MYO1H: variants seen among roughly 807,000 people sequenced by gnomAD.
MYO1H encodes unconventional myosin-Ih.
A neutral mutation model predicts 149.3 loss-of-function variants in MYO1H; 118 were observed. That is an observed-to-expected ratio of 0.79 (90% CI 0.68 to 0.92). The LOEUF (loss-of-function observed/expected upper bound fraction) is 0.92. Among genes scored for constraint, MYO1H ranks in the 40% least tolerant of loss-of-function variants. The pLI is 0.00. For missense variants in MYO1H, 1,212 were observed against 1,280.7 expected (o/e 0.95, Z 0.82); for synonymous variants, 447 against 465.2 (o/e 0.96, Z 0.50).
rs575179747 is a variant in MYO1H, at chr12:109,438,459, C to G, written c.2210-77C>G. The G allele has an allele frequency of 4.3e-5, 50 of 1,170,740 alleles. No homozygotes were observed. The African/African-American group carries it at 7.4e-4, about 17-fold the overall frequency. 72.5% of individuals were successfully genotyped at this position (1,170,740 alleles called of 1,614,324 possible). A position where few individuals can be genotyped will look rare whatever the true frequency, so the allele number is the denominator to read the frequency against. On this transcript the variant is annotated intron_variant, in intron 22 of 31. Coordinates refer to ENST00000310903, the Ensembl canonical transcript of MYO1H. ...GGCGTCCAGATGTTTGTTGAATGGA[C>G]AAAGCCTTCTGGAAAAGCCTTCTGT...
chr12:109,343,289 A>T (rs574984829), upstream of MYO1H, among the ~76,000 whole-genome samples: 1 of 152,340 alleles, frequency 6.6e-6, no homozygotes, highest in Non-Finnish European at 1.5e-5. Flanking sequence ...TGTTAGCATA[A>T]CTAGAAATTC....
At chr12:109,407,850 G>T in exon 10 of MYO1H, 1 of 1,614,008 alleles carries the variant, frequency 6.2e-7, no homozygotes, top group African/African-American at 1.3e-5. Flanking sequence ...CAATGGCAAA[G>T]GCTGTTTATG....
chr12:109,442,081 G>A, intron 26 of MYO1H, 136 bp from the exon 27 acceptor site: 1 of 726,402 alleles, frequency 1.4e-6, no homozygotes, highest in Non-Finnish European at 2.4e-6. Context: ...GCTCAACTCT[G>A]CAGCATTTCC....
At chr12:109,432,062 C>T (rs1369932665) in intron 19 of MYO1H, among the ~76,000 whole-genome samples, 3 of 132,008 alleles carry the variant, frequency 2.3e-5, no homozygotes, top group Admixed American at 9.1e-5. Context: ...AGTACAGTGG[C>T]GCAATCTCGG....
chr12:109,379,482 G>GT (rs1421885265), intron 1 of MYO1H, among the ~76,000 whole-genome samples: 1 of 152,160 alleles, frequency 6.6e-6, no homozygotes, highest in Non-Finnish European at 1.5e-5. Context: ...AGAGAGGCTA[G>GT]TTATGATCCC....
intron 15 of MYO1H, 77 bp downstream of exon 15, chr12:109,415,697 C>A (rs2135566302): frequency 9.2e-7 from 1 of 1,084,182 alleles, no homozygotes; most frequent in Non-Finnish European, 1.3e-6. Context: ...CGAGTCCATG[C>A]AGGAAATGGT....
chr12:109,410,165 A>C, intron 12 of MYO1H, 97 bp downstream of exon 12: 1 of 589,108 alleles, frequency 1.7e-6, no homozygotes. Flanking sequence ...TTTTTGAGAC[A>C]AGATCTCACT....
intron 2 of MYO1H, among the ~76,000 whole-genome samples, chr12:109,390,399 C>T (rs964894982): frequency 1.3e-4 from 19 of 151,816 alleles, no homozygotes; most frequent in African/African-American, 3.9e-4. Flanking sequence ...CAGCTACACA[C>T]TGAGAATCTG....
At position 109,407,916 on chromosome 12, in the gene MYO1H, T is replaced by G; in HGVS notation, c.1155+3T>G. On this transcript the variant is annotated splice_donor_region_variant and intron_variant, in intron 10 of 31. Transcript: ENST00000310903. ...TCAATTCCTCCTTAGTTAACAAGGT[T>G]GGTCAACGCATTTTGGATCCCTTGC... 6.2e-7 allele frequency: 1 copy of G among 1,613,958 alleles called. No individual in the cohort carries two copies. Among genetic ancestry groups the G allele is most frequent in the Admixed American group, 1.7e-5 (1 of 60,010 alleles).
At chr12:109,393,418 G>T (rs1408639318) in exon 3 of MYO1H, 3 of 1,585,320 alleles carry the variant, frequency 1.9e-6, no homozygotes, top group Non-Finnish European at 2.6e-6. Flanking sequence ...TTATCAAGGG[G>T]TCAATTTCTT....
At chr12:109,327,122 CTTTTTCTTTTTCTT>C in the MYO1H span, among the ~76,000 whole-genome samples, 6 of 111,400 alleles carry the variant, frequency 5.4e-5, no homozygotes, top group African/African-American at 1.5e-4. Flanking sequence ...TTTTCTTTTT[CTTTTTCTTTTTCTT>C]TTTTTTTTTT....
At chr12:109,341,706 C>G in the MYO1H span, among the ~76,000 whole-genome samples, 1 of 152,066 alleles carries the variant, frequency 6.6e-6, no homozygotes. Context: ...TCTAGTTGGT[C>G]CTAAGTAGAA....
intron 20 of MYO1H, among the ~76,000 whole-genome samples, chr12:109,434,629 A>G (rs1871781784): frequency 6.6e-6 from 1 of 152,366 alleles, no homozygotes; most frequent in East Asian, 1.9e-4. Context: ...GATGATCACA[A>G]AGTGGCTGAT....
chr12:109,356,985 C>A (rs1868621382), intron 1 of MYO1H: 1 of 152,212 alleles, frequency 6.6e-6, no homozygotes, highest in South Asian at 2.1e-4. Context: ...GTGCTTCTTT[C>A]TTGATGTGTG....
the MYO1H span, among the ~76,000 whole-genome samples, chr12:109,338,568 G>A: frequency 6.6e-6 from 1 of 152,082 alleles, no homozygotes; most frequent in African/African-American, 2.4e-5. Flanking sequence ...AGGAGTTAGA[G>A]AGCAGCCTGG....
In MYO1H at chr12:109,401,139, C is replaced by T. The variant is rs904594392; in HGVS notation, c.617C>T (p.Ser206Phe). The T allele has an allele frequency of 4.3e-6, 7 of 1,613,778 alleles. No individual in the cohort carries two copies. The highest frequency in any genetic ancestry group is 2.2e-5 in the East Asian group (1 of 44,884). The change falls in exon 6 of 32, where the codon TCC (serine) becomes TTC (phenylalanine). Residue 206 changes from serine to phenylalanine, a missense_variant. Coordinates refer to ENST00000310903, the Ensembl canonical transcript of MYO1H. ...ATCATCAGTTACTTGATAGAGAAGT[C>T]CCGAGTTGTCTACCAAAACGAAGGC...
chr12:109,401,582 T>C (rs1004809273), intron 6 of MYO1H: 28 of 255,034 alleles, frequency 1.1e-4, no homozygotes, highest in African/African-American at 8.8e-5. Context: ...TCAGATTTCA[T>C]TGGTCTGGGT....
intron 1 of MYO1H, among the ~76,000 whole-genome samples, chr12:109,373,385 T>C (rs987917460): frequency 6.6e-6 from 1 of 152,124 alleles, no homozygotes; most frequent in African/African-American, 2.4e-5. Flanking sequence ...TTATCAAGAA[T>C]GTAATATAAT....
At chr12:109,350,224 C>T (rs934317246) in intron 1 of MYO1H, among the ~76,000 whole-genome samples, 4 of 152,038 alleles carry the variant, frequency 2.6e-5, no homozygotes, top group Non-Finnish European at 4.4e-5. Flanking sequence ...TGGGCAGTTG[C>T]CTCTTCTCTC....
Sources: gnomAD v4.1 joint callset for allele counts (sites outside exome capture counted in the v4.1 genomes callset) on GRCh38, gnomAD v4.1.1 for gene constraint, MANE v1.5 for transcripts, NCBI Gene and HGNC (gene_info 2026-07-23, HGNC 2026-07-21) for gene names.